Variants in SLC22A24 observed in about 807,000 individuals in gnomAD.
The protein encoded by SLC22A24 is steroid transmembrane transporter SLC22A24.
SLC22A24 carries 53 observed loss-of-function variants against 49.8 expected under a neutral mutation model. The ratio of observed to expected loss-of-function variants is 1.06; its 90% CI spans 0.85 to 1.34. The LOEUF (loss-of-function observed/expected upper bound fraction) is 1.34, where lower values mean the gene tolerates loss of function less well. SLC22A24 is among the 40% of genes most tolerant of loss of function. The pLI, the probability that SLC22A24 is intolerant of heterozygous loss-of-function variation, is 0.00. For missense variants in SLC22A24, 786 were observed against 675.9 expected, an observed-to-expected ratio of 1.16 and a Z score of -1.81; for synonymous variants, 302 against 256.4, an observed-to-expected ratio of 1.18 and a Z score of -1.70.
intron 6 of SLC22A24, among the ~76,000 whole-genome samples, chr11:63,091,738 G>A (rs556796866): frequency 6.6e-6 from 1 of 152,184 alleles, no homozygotes; most frequent in South Asian, 2.1e-4. Flanking sequence ...CAATAAACTA[G>A]GTATTGATGG....
At chr11:63,122,968 T>C (rs979577136) in intron 2 of SLC22A24, among the ~76,000 whole-genome samples, 10 of 152,202 alleles carry the variant, frequency 6.6e-5, no homozygotes, top group African/African-American at 2.4e-4. Flanking sequence ...GTGTTGGAAA[T>C]ATTAGATATC....
At chr11:63,110,035 G>A (rs1565330402) in intron 4 of SLC22A24, among the ~76,000 whole-genome samples, 1 of 152,118 alleles carries the variant, frequency 6.6e-6, no homozygotes, top group Non-Finnish European at 1.5e-5. Flanking sequence ...TAAGGTGTAA[G>A]GTAGGGATCC....
At chr11:63,118,795 T>C (rs2087229628) in intron 4 of SLC22A24, 117 bp downstream of exon 4, 3 of 1,044,858 alleles carry the variant, frequency 2.9e-6, no homozygotes, top group African/African-American at 1.6e-5. Context: ...ATAGGTACTA[T>C]GGACATCATG....
chr11:63,113,243 T>C (rs1353386372), intron 4 of SLC22A24, among the ~76,000 whole-genome samples: 20 of 138,664 alleles, frequency 1.4e-4, no homozygotes, highest in East Asian at 6.1e-4. Context: ...TATATATATA[T>C]ACACACATAC....
chr11:63,081,091 C>G lies in SLC22A24; in HGVS notation c.1427G>C (p.Gly476Ala). The G allele has an allele frequency of 6.4e-7, 1 of 1,551,614 alleles. No individual in the cohort carries two copies. Among genetic ancestry groups the G allele is most frequent in the Non-Finnish European group, 8.7e-7 (1 of 1,146,932 alleles). The change falls in exon 9 of 10, where the codon GGT (glycine) becomes GCT (alanine). Residue 476 changes from glycine to alanine, a missense_variant. By Grantham distance (60) the Gly-to-Ala change is moderately conservative. Coordinates refer to ENST00000612278, the MANE Select transcript of SLC22A24 (RefSeq NM_001136506.2). ...STVAGINAVS[G>A]RTGAALAPLL... is the part of the protein sequence containing the mutation. ...AGGAGCCAGTGCTGCCCCAGTCCTACCGGACACTGCATTGATTCCTGCAAC... is the reference window on the plus strand; with the variant it reads ...AGGAGCCAGTGCTGCCCCAGTCCTAGCGGACACTGCATTGATTCCTGCAAC...
At chr11:63,109,062 G>T (rs534113133) in intron 4 of SLC22A24, among the ~76,000 whole-genome samples, 1 of 144,416 alleles carries the variant, frequency 6.9e-6, no homozygotes, top group African/African-American at 2.6e-5. Flanking sequence ...TGTTCTCATT[G>T]TTCAGTTCCC....
In SLC22A24 at chr11:63,080,911, T is replaced by C; in HGVS notation, c.1598+9A>G. The stretch of plus-strand genomic sequence containing the variant: ...CCCCACTCAAGTGACAGCTAGAGGG[T>C]TTACTCACTCATTTTCCACATCCTG... On this transcript the variant is annotated intron_variant, in intron 9 of 9. Transcript: ENST00000612278. The C allele has an allele frequency of 6.5e-7, 1 of 1,549,564 alleles. No individual in the cohort carries two copies. Among genetic ancestry groups the C allele is most frequent in the Non-Finnish European group, 8.7e-7 (1 of 1,145,892 alleles).
chr11:63,135,869 C>G (rs879436657), intron 1 of SLC22A24, among the ~76,000 whole-genome samples: 34 of 152,128 alleles, frequency 2.2e-4, no homozygotes, highest in African/African-American at 8.0e-4. Context: ...GAGACGAGAG[C>G]CTTGAAGATG....
chr11:63,104,376 C>T (rs2087108217), intron 4 of SLC22A24, 78 bp from the exon 5 acceptor site: 9 of 1,416,404 alleles, frequency 6.4e-6, no homozygotes, highest in African/African-American at 1.4e-5. Context: ...ATTCCTTTCC[C>T]CTTTGATTTA....
intron 6 of SLC22A24, among the ~76,000 whole-genome samples, chr11:63,088,256 A>G (rs1944035): frequency 0.76 from 115,677 of 152,136 alleles, 44,763 homozygotes; most frequent in East Asian, 0.9. Context: ...CTGTTCTGCA[A>G]CCTCCACTGG....
At chr11:63,111,197 G>C (rs913339439) in intron 4 of SLC22A24, among the ~76,000 whole-genome samples, 19 of 152,070 alleles carry the variant, frequency 1.2e-4, no homozygotes, top group African/African-American at 4.6e-4. Context: ...CAGGGATGAA[G>C]CCCACTTGAT....
At position 63,116,062 on chromosome 11, in the gene SLC22A24, G is replaced by C. The variant is rs539788758; in HGVS notation, c.830+2850C>G. 78 of 347,284 alleles carry C rather than the reference G, an allele frequency of 2.2e-4. 1 individual carries two copies. In the Middle Eastern group the frequency reaches 3.8e-3, roughly 17 times the overall value. The allele number at this position is 347,284 out of a possible 1,614,324, so 21.5% of individuals were successfully genotyped here. ...TGGGCAATGTAGGCAAGTCAATCGA[G>C]CTTGTTGCTGACACTCTTTGGGATC... On this transcript the variant is annotated intron_variant, in intron 4 of 9. Coordinates refer to ENST00000612278, the MANE Select transcript of SLC22A24 (RefSeq NM_001136506.2).
In SLC22A24 at chr11:63,132,948, C is replaced by T. The variant is rs1010012687; in HGVS notation, c.506+1717G>A. Among the ~76,000 whole-genome samples the T allele has an allele frequency of 5.9e-5, 9 of 152,306 alleles. No individual in the cohort carries two copies. The South Asian group carries it at 8.3e-4, about 14-fold the overall frequency. On this transcript the variant is annotated intron_variant, in intron 2 of 9. Transcript: ENST00000612278. Reference sequence around the variant, plus strand: ...AGAGGCAGTAGTCCTTACGGAGCTACGGTGGGCTCTGCCCAGTTCGAACTT... The same window carrying T: ...AGAGGCAGTAGTCCTTACGGAGCTATGGTGGGCTCTGCCCAGTTCGAACTT...
In SLC22A24 at chr11:63,144,002, G is replaced by A. The variant is rs914258404; in HGVS notation, c.-223C>T. ...AACTTTAGGCAGCCAAATAGTTTCA[G>A]AAGTCACAGATATAATTATTTGGCA... On this transcript the variant is annotated 5_prime_UTR_variant, in exon 1 of 10. Transcript: ENST00000612278. 2.7e-6 allele frequency: 1 copy of A among 372,236 alleles called. No individual in the cohort carries two copies. The highest frequency in any genetic ancestry group is 2.1e-5 in the African/African-American group (1 of 48,084). The allele number at this position is 372,236 out of a possible 1,614,324, so 23.1% of individuals were successfully genotyped here. A position where few individuals can be genotyped will look rare whatever the true frequency, so the allele number is the denominator to read the frequency against.
rs755640630 is a variant in SLC22A24 at position 63,142,879 on chromosome 11, CTAATT to C, written c.402+494_402+498del. On this transcript the variant is annotated intron_variant, in intron 1 of 9. Transcript: ENST00000612278. ...TCTGCTCCCCGAATGCTCAGGGAGA[CTAATT>C]TGAGTAGTAATAAAACTCTGGCCTC... 3.3e-5 allele frequency among the ~76,000 whole-genome samples: 5 copies of C among 152,254 alleles called. No homozygotes were observed. The South Asian group carries it at 8.3e-4, about 25-fold the overall frequency.
At chr11:63,112,947 G>A (rs1364896939) in intron 4 of SLC22A24, among the ~76,000 whole-genome samples, 30 of 145,626 alleles carry the variant, frequency 2.1e-4, no homozygotes, top group Admixed American at 1.4e-3. Flanking sequence ...CCCGGGAGCC[G>A]GAGCTTGTAG....
chr11:63,079,993 C>T lies in SLC22A24; in HGVS notation c.1606G>A (p.Asp536Asn). The T allele has an allele frequency of 6.5e-7, 1 of 1,534,062 alleles. No homozygotes were observed. The highest frequency in any genetic ancestry group is 2.5e-5 in the East Asian group (1 of 40,800). ...TCTTCCTGCTTTATGTTTCTTGAAT[C>T]TTTTCTGCTGAGAAATAGAAATGCA... ...TIQDVENDRKDSRNIKQEDTC... is the reference protein window; with the variant it reads ...TIQDVENDRKNSRNIKQEDTC... The change falls in exon 10 of 10, where the codon GAT becomes AAT. Residue 536 changes from aspartate (D) to asparagine (N), a missense_variant. Asp to Asn is a conservative substitution (Grantham distance 23, BLOSUM62 1). Coordinates refer to ENST00000612278, the MANE Select transcript of SLC22A24 (RefSeq NM_001136506.2).
intron 4 of SLC22A24, among the ~76,000 whole-genome samples, chr11:63,113,691 T>A (rs932667807): frequency 2.0e-5 from 3 of 151,698 alleles, no homozygotes; most frequent in Non-Finnish European, 4.4e-5. Context: ...CCATCTCTAC[T>A]AAAAATACAA....
At chr11:63,142,166 C>T (rs530454433) in intron 1 of SLC22A24, among the ~76,000 whole-genome samples, 1 of 152,194 alleles carries the variant, frequency 6.6e-6, no homozygotes, top group South Asian at 2.1e-4. Flanking sequence ...CCTTGGAAGC[C>T]CATCCAGGCC....
Sources: allele counts gnomAD v4.1 joint callset (sites outside exome capture counted in the v4.1 genomes callset), GRCh38; gene constraint gnomAD v4.1.1; transcripts MANE v1.5; gene names NCBI Gene and HGNC (gene_info 2026-07-23, HGNC 2026-07-21).